Variants in PCDH11X observed in about 807,000 individuals in gnomAD.
The protein encoded by PCDH11X is protocadherin 11 X-linked, also known as protocadherin-11 X-linked.
Under a neutral mutation model 53.3 loss-of-function variants are expected in PCDH11X, and 18 were observed. That is an observed-to-expected ratio of 0.34 (90% CI 0.23 to 0.50). The LOEUF (loss-of-function observed/expected upper bound fraction) is 0.50, where lower values mean the gene tolerates loss of function less well. Among genes scored for constraint, PCDH11X ranks in the 20% least tolerant of loss-of-function variants. The pLI is 0.98. For missense variants in PCDH11X, 570 were observed against 1,032.4 expected, an observed-to-expected ratio of 0.55 and a Z score of 6.14; for synonymous variants, 279 against 393.3, an observed-to-expected ratio of 0.71 and a Z score of 3.44.
intron 4 of PCDH11X, among the ~76,000 whole-genome samples, chrX:91,823,440 G>T (rs2147590616): frequency 9.0e-6 from 1 of 111,037 alleles, no homozygotes; most frequent in African/African-American, 3.3e-5. Flanking sequence ...GGCCTTCTTT[G>T]TCTCTTTTGA....
intron 6 of PCDH11X, among the ~76,000 whole-genome samples, chrX:91,940,224 C>T (rs1411186339): frequency 9.0e-6 from 1 of 111,082 alleles, no homozygotes; most frequent in Non-Finnish European, 1.9e-5. Flanking sequence ...CAGATGCCTA[C>T]TCCAGAGCAG....
intron 1 of PCDH11X, among the ~76,000 whole-genome samples, chrX:91,793,615 C>T (rs1395228332): frequency 9.0e-6 from 1 of 111,382 alleles, no homozygotes; most frequent in African/African-American, 3.3e-5. Flanking sequence ...CAAATAATTT[C>T]GGAAACCAGA....
At chrX:92,565,568 G>A (rs1244080497) in intron 10 of PCDH11X, among the ~76,000 whole-genome samples, 10 of 85,451 alleles carry the variant, frequency 1.2e-4, no homozygotes, top group African/African-American at 3.8e-4. Flanking sequence ...TCATTTATTC[G>A]TGCAATCTAA....
chrX:91,923,741 G>C (rs1325538917), intron 6 of PCDH11X, among the ~76,000 whole-genome samples: 1 of 110,103 alleles, frequency 9.1e-6, no homozygotes, highest in East Asian at 2.9e-4. Flanking sequence ...TCCCTTTAGA[G>C]AACCCTAACT....
intron 10 of PCDH11X, among the ~76,000 whole-genome samples, chrX:92,604,169 T>C (rs1232724316): frequency 3.7e-5 from 4 of 109,415 alleles, no homozygotes; most frequent in African/African-American, 1.3e-4. Context: ...AAGAACAAAA[T>C]TGTAAAATAG....
rs772999828 is a variant in PCDH11X, at chrX:91,795,841, C to T, written c.-378-13625C>T. On this transcript the variant is annotated intron_variant, in intron 1 of 10. Transcript: ENST00000682573. ...TGGCAGGTCCCTATGACTTAAGACC[C>T]CAAAATACATTAAGGTAAAGTTTTA... Among the ~76,000 whole-genome samples the T allele has an allele frequency of 3.3e-3, 369 of 111,172 alleles. 3 individuals carry two copies. Among genetic ancestry groups the T allele is most frequent in the African/African-American group, 0.012 (358 of 30,677 alleles).
intron 8 of PCDH11X, among the ~76,000 whole-genome samples, chrX:92,385,554 G>T (rs2070994203): frequency 9.3e-6 from 1 of 106,970 alleles, no homozygotes; most frequent in Admixed American, 1.0e-4. Flanking sequence ...TAAAACCAAG[G>T]CTGGGTGAGG....
intron 6 of PCDH11X, among the ~76,000 whole-genome samples, chrX:92,062,777 A>G (rs2063540235): frequency 9.0e-6 from 1 of 111,682 alleles, no homozygotes; most frequent in Non-Finnish European, 1.9e-5. Flanking sequence ...CCGTTGTGGA[A>G]GACAGTGTGG....
rs147502627 is a variant in PCDH11X, at chrX:91,877,584, G to A, written c.1344G>A (p.Gln448=). The A allele has an allele frequency of 4.1e-6, 5 of 1,207,791 alleles. No individual in the cohort carries two copies. The African/African-American group carries it at 8.8e-5, about 21-fold the overall frequency. ...AADAGKPPLN[Q]SAMLFIKVKD... is the part of the protein sequence containing the mutation. ...ATGCTGGCAAACCTCCTTTGAATCA[G>A]TCAGCAATGCTCTTCATCAAAGTGA... The change falls in exon 6 of 11, where the codon CAG becomes CAA. Residue 448 remains glutamine (Q), a synonymous_variant. Transcript: ENST00000682573.
intron 6 of PCDH11X, among the ~76,000 whole-genome samples, chrX:92,080,623 T>C (rs1468159446): frequency 1.8e-5 from 2 of 108,557 alleles, no homozygotes; most frequent in Non-Finnish European, 3.8e-5. Context: ...CCCTACCTTC[T>C]TAGGGATTTT....
intron 9 of PCDH11X, among the ~76,000 whole-genome samples, chrX:92,389,173 C>A (rs1460131166): frequency 9.6e-6 from 1 of 104,662 alleles, no homozygotes; most frequent in South Asian, 4.4e-4. Context: ...AATAAATGAT[C>A]AACATTTGTT....
chrX:92,503,833 A>G (rs1165742871), intron 10 of PCDH11X, among the ~76,000 whole-genome samples: 1 of 110,660 alleles, frequency 9.0e-6, no homozygotes, highest in Non-Finnish European at 1.9e-5. Context: ...TACTTATGTA[A>G]CAATCCTGCA....
chrX:92,245,660 C>T (rs1366976602), intron 7 of PCDH11X, among the ~76,000 whole-genome samples: 1 of 111,619 alleles, frequency 9.0e-6, no homozygotes, highest in African/African-American at 3.3e-5. Flanking sequence ...GTGTAGGAGA[C>T]AAAAATTTAT....
intron 10 of PCDH11X, among the ~76,000 whole-genome samples, chrX:92,505,145 CTTTTTTCTTTTTTT>C (rs1569497152): frequency 2.4e-5 from 1 of 41,181 alleles, no homozygotes; most frequent in African/African-American, 8.9e-5. Context: ...TTTCTTTTTT[CTTTTTTCTTTTTTT>C]TTTTTTTGTT....
intron 8 of PCDH11X, among the ~76,000 whole-genome samples, chrX:92,312,013 A>C (rs2068961657): frequency 9.0e-6 from 1 of 111,270 alleles, no homozygotes; most frequent in African/African-American, 3.3e-5. Context: ...TGATCTTTTG[A>C]AAATTAAGTA....
At position 92,621,286 on chromosome X, in the gene PCDH11X, T is replaced by A. The variant is rs868512466; in HGVS notation, c.*2346T>A. On this transcript the variant is annotated 3_prime_UTR_variant, in exon 11 of 11. Transcript: ENST00000682573. ...GGACTCAAAGTTGGATATTTGGGAT[T>A]TTTCTTCTGACAGTATAATTTATTG... is the stretch of plus-strand genomic sequence containing the variant. 2.0e-4 allele frequency: 22 copies of A among 108,078 alleles called. No individual in the cohort carries two copies. The highest frequency in any genetic ancestry group is 7.5e-4 in the African/African-American group (22 of 29,268). 8.9% of individuals were successfully genotyped at this position (108,078 alleles called of 1,213,427 possible). A position where few individuals can be genotyped will look rare whatever the true frequency, so the allele number is the denominator to read the frequency against.
rs755103884 is a variant in PCDH11X, at chrX:92,480,994, G to A, written c.3367+12672G>A. Among the ~76,000 whole-genome samples the A allele has an allele frequency of 6.9e-3, 761 of 110,622 alleles. 2 individuals are homozygous for A. Among genetic ancestry groups the A allele is most frequent in the African/African-American group, 0.024 (725 of 30,423 alleles). On this transcript the variant is annotated intron_variant, in intron 10 of 10. Transcript: ENST00000682573. The stretch of plus-strand genomic sequence containing the variant: ...GATCCCCTCTGGTGACTGTGCATGT[G>A]GTCATACTGGTGGTGGTTTTAGCGC...
intron 9 of PCDH11X, among the ~76,000 whole-genome samples, chrX:92,395,171 T>A (rs1206990903): frequency 9.0e-6 from 1 of 111,457 alleles, no homozygotes; most frequent in Admixed American, 9.6e-5. Flanking sequence ...TGGAAATGTT[T>A]GTATGTTATC....
intron 5 of PCDH11X, among the ~76,000 whole-genome samples, chrX:91,837,987 A>T (rs1937365167): frequency 8.9e-6 from 1 of 112,162 alleles, no homozygotes; most frequent in Non-Finnish European, 1.9e-5. Context: ...TATTTGGACA[A>T]TACAAATTAA....
Sources: gnomAD v4.1 joint callset for allele counts (sites outside exome capture counted in the v4.1 genomes callset) on GRCh38, gnomAD v4.1.1 for gene constraint, MANE v1.5 for transcripts, NCBI Gene and HGNC (gene_info 2026-07-23, HGNC 2026-07-21) for gene names.